The following ZRANB3 variants were observed in gnomAD, a reference collection of about 807,000 sequenced individuals.
ZRANB3 encodes DNA annealing helicase and endonuclease ZRANB3.
ZRANB3 carries 125 observed loss-of-function variants against 133.8 expected under a neutral mutation model. The observed-to-expected ratio is 0.93, with a 90% confidence interval of 0.81 to 1.08. ZRANB3 has a LOEUF of 1.08. Among genes scored for constraint, ZRANB3 ranks in the 50% least tolerant of loss-of-function variants. The pLI is 0.00. For synonymous variants in ZRANB3, 387 were observed against 432.7 expected (o/e 0.89, Z 1.31); for missense variants, 1,229 against 1,275.5 (o/e 0.96, Z 0.56).
intron 1 of ZRANB3, among the ~76,000 whole-genome samples, chr2:135,521,270 C>T (rs898582376): frequency 1.3e-5 from 2 of 152,242 alleles, no homozygotes; most frequent in East Asian, 1.9e-4. Flanking sequence ...CTATTATGGC[C>T]GGGCATGATG....
chr2:135,250,302 G>A (rs1476379973), intron 12 of ZRANB3, among the ~76,000 whole-genome samples: 1 of 152,142 alleles, frequency 6.6e-6, no homozygotes, highest in Non-Finnish European at 1.5e-5. Flanking sequence ...TGCTGTTAAA[G>A]GCATTCAGTT....
intron 1 of ZRANB3, among the ~76,000 whole-genome samples, chr2:135,512,210 AAAAG>A (rs947761715): frequency 3.3e-5 from 5 of 152,266 alleles, no homozygotes; most frequent in African/African-American, 1.2e-4. Context: ...ACACTTGAAA[AAAAG>A]AAAGAAGGAA....
chr2:135,247,967 C>A (rs1279771847), intron 12 of ZRANB3, among the ~76,000 whole-genome samples: 1 of 152,120 alleles, frequency 6.6e-6, no homozygotes, highest in Non-Finnish European at 1.5e-5. Context: ...CTGGACAGAA[C>A]CTCCCAACCA....
chr2:135,265,977 AG>A (rs1247914110), intron 11 of ZRANB3, among the ~76,000 whole-genome samples: 12 of 152,156 alleles, frequency 7.9e-5, no homozygotes, highest in African/African-American at 2.9e-4. Flanking sequence ...TGGGAGGCCA[AG>A]GGGGGCGATC....
intron 2 of ZRANB3, among the ~76,000 whole-genome samples, chr2:135,439,376 G>A (rs558971877): frequency 1.3e-5 from 2 of 152,170 alleles, no homozygotes; most frequent in Non-Finnish European, 2.9e-5. Flanking sequence ...CATAAAATTA[G>A]GAACATGACT....
At chr2:135,421,015 C>T (rs369376695) in intron 2 of ZRANB3, among the ~76,000 whole-genome samples, 1 of 152,068 alleles carries the variant, frequency 6.6e-6, no homozygotes, top group Non-Finnish European at 1.5e-5. Flanking sequence ...GATATGGCTG[C>T]TGGAAACACT....
In ZRANB3 at chr2:135,251,182, TG is replaced by T. The variant is rs1462208064; in HGVS notation, c.1539+14351del. On this transcript the variant is annotated intron_variant, in intron 12 of 20. Coordinates refer to ENST00000264159, the MANE Select transcript of ZRANB3 (RefSeq NM_032143.4). ...TGCCTCACTCGATTTCAGACTTGCA[TG>T]GGCCCTGTATCCCCTTTGTTTTGGC... Among the ~76,000 whole-genome samples the T allele has an allele frequency of 2.0e-5, 3 of 152,366 alleles. No individual in the cohort carries two copies. In the East Asian group the frequency reaches 5.8e-4, roughly 29 times the overall value.
intron 8 of ZRANB3, among the ~76,000 whole-genome samples, chr2:135,292,537 C>A (rs1681807595): frequency 6.6e-6 from 1 of 152,156 alleles, no homozygotes; most frequent in South Asian, 2.1e-4. Context: ...TTCTCCCATT[C>A]TGTAGGTTGC....
At chr2:135,525,622 C>G (rs192138664) in intron 1 of ZRANB3, among the ~76,000 whole-genome samples, 1 of 151,996 alleles carries the variant, frequency 6.6e-6, no homozygotes, top group African/African-American at 2.4e-5. Context: ...CTGAGGCGGG[C>G]GGATCACCTG....
At chr2:135,347,975 T>C (rs148201884) in intron 5 of ZRANB3, among the ~76,000 whole-genome samples, 5 of 152,016 alleles carry the variant, frequency 3.3e-5, no homozygotes, top group East Asian at 3.9e-4. Context: ...AGAGTGGAAA[T>C]AGACTGGGTG....
chr2:135,267,944 A>G (rs944793556), intron 11 of ZRANB3, among the ~76,000 whole-genome samples: 4 of 152,064 alleles, frequency 2.6e-5, no homozygotes, highest in South Asian at 2.1e-4. Flanking sequence ...AGAGACCCCA[A>G]AGAGCTTTCT....
chr2:135,322,225 A>C (rs1319367691), intron 6 of ZRANB3, among the ~76,000 whole-genome samples: 2 of 152,210 alleles, frequency 1.3e-5, no homozygotes, highest in Non-Finnish European at 2.9e-5. Context: ...CCAGTGATTT[A>C]CATGTGTCTC....
intron 14 of ZRANB3, among the ~76,000 whole-genome samples, chr2:135,227,386 A>T (rs1042456843): frequency 1.3e-5 from 2 of 152,320 alleles, no homozygotes; most frequent in Admixed American, 6.5e-5. Context: ...ATACTTTTTT[A>T]AAAATATGCC....
intron 2 of ZRANB3, among the ~76,000 whole-genome samples, chr2:135,447,963 T>A (rs1390798688): frequency 1.3e-5 from 2 of 152,198 alleles, no homozygotes; most frequent in Non-Finnish European, 2.9e-5. Flanking sequence ...CCCATTTAGT[T>A]AGAGTAATTT....
intron 2 of ZRANB3, among the ~76,000 whole-genome samples, chr2:135,397,517 T>C (rs749939905): frequency 1.3e-5 from 2 of 152,078 alleles, no homozygotes; most frequent in African/African-American, 2.4e-5. Context: ...GTATATCCTG[T>C]TGAAGAAATA....
At chr2:135,454,747 G>A (rs917851757) in intron 2 of ZRANB3, among the ~76,000 whole-genome samples, 3 of 152,112 alleles carry the variant, frequency 2.0e-5, no homozygotes. Flanking sequence ...GTTCCATCCA[G>A]GTTGCTGCAA....
chr2:135,459,718 TAAC>T (rs893308069), intron 2 of ZRANB3, among the ~76,000 whole-genome samples: 1 of 152,174 alleles, frequency 6.6e-6, no homozygotes, highest in Admixed American at 6.5e-5. Context: ...ACAAATCTTC[TAAC>T]AACATAGTTA....
intron 2 of ZRANB3, among the ~76,000 whole-genome samples, chr2:135,455,463 C>T (rs1690469026): frequency 6.6e-6 from 1 of 151,742 alleles, no homozygotes; most frequent in Non-Finnish European, 1.5e-5. Context: ...GGTGGGATTA[C>T]AGGCGTGAGC....
intron 2 of ZRANB3, among the ~76,000 whole-genome samples, chr2:135,489,999 A>G (rs1481941534): frequency 1.3e-5 from 2 of 152,192 alleles, no homozygotes. Context: ...CAAGAAAAAG[A>G]GAAACACAAA....
Sources: gnomAD v4.1 joint callset for allele counts (sites outside exome capture counted in the v4.1 genomes callset) on GRCh38, gnomAD v4.1.1 for gene constraint, MANE v1.5 for transcripts, NCBI Gene and HGNC (gene_info 2026-07-23, HGNC 2026-07-21) for gene names.